PCDHA5: variants seen among roughly 807,000 people sequenced by gnomAD.
PCDHA5 encodes the protein protocadherin alpha-5.
In PCDHA5, 43 loss-of-function variants were observed where a neutral mutation model predicts 61.6. The ratio of observed to expected loss-of-function variants is 0.70; its 90% CI spans 0.55 to 0.90. The LOEUF is 0.90. PCDHA5 is among the 40% of genes least tolerant of loss of function. The pLI, the probability that PCDHA5 is intolerant of heterozygous loss-of-function variation, is 0.00. For synonymous variants in PCDHA5, 627 were observed against 543.9 expected, an observed-to-expected ratio of 1.15 and a Z score of -2.13; for missense variants, 1,298 against 1,222.7, an observed-to-expected ratio of 1.06 and a Z score of -0.92.
At chr5:140,855,106 T>C (rs1554147619) in intron 1 of PCDHA5, among the ~76,000 whole-genome samples, 1 of 149,974 alleles carries the variant, frequency 6.7e-6, no homozygotes, top group Non-Finnish European at 1.5e-5. Flanking sequence ...GTAGCAATAA[T>C]TAAGGCATTC....
chr5:140,881,180 T>G (rs1054668567), intron 1 of PCDHA5: 1 of 167,342 alleles, frequency 6.0e-6, no homozygotes, highest in East Asian at 1.9e-4. Flanking sequence ...TTTTCCTTGC[T>G]AAAGATATGT....
At chr5:140,864,401 G>T (rs570935613) in intron 1 of PCDHA5, 2 of 152,328 alleles carry the variant, frequency 1.3e-5, no homozygotes, top group South Asian at 4.1e-4. Context: ...ATGGTGATGA[G>T]CAGGGTTGAG....
rs2150468826 is a variant in PCDHA5, at chr5:140,850,123, C to G, written c.2352+25996C>G. ...GTGAGCGCGCGCGACGCGGGCGTGCCGCCTCTGGGCAGCAACGTGACGCTG... is the reference window on the plus strand; with the variant it reads ...GTGAGCGCGCGCGACGCGGGCGTGCGGCCTCTGGGCAGCAACGTGACGCTG... On this transcript the variant is annotated intron_variant, in intron 1 of 3. Coordinates refer to ENST00000529859, the MANE Select transcript of PCDHA5 (RefSeq NM_018908.3). The G allele has an allele frequency of 1.3e-5, 21 of 1,595,804 alleles. 4 individuals carry two copies. The highest frequency in any genetic ancestry group is 2.7e-5 in the African/African-American group (2 of 74,358).
intron 1 of PCDHA5, chr5:140,859,106 A>G (rs2045724264): frequency 6.7e-6 from 1 of 150,166 alleles, no homozygotes; most frequent in African/African-American, 2.4e-5. Context: ...CACTTAGCAG[A>G]AGAAAATGTA....
chr5:140,856,690 T>A (rs1368181199), intron 1 of PCDHA5: 2 of 1,597,086 alleles, frequency 1.3e-6, no homozygotes, highest in East Asian at 2.2e-5. Context: ...TGACAGCAAC[T>A]GATGGAGGCA....
intron 3 of PCDHA5, among the ~76,000 whole-genome samples, chr5:141,003,892 C>T (rs1401621234): frequency 6.6e-6 from 1 of 152,124 alleles, no homozygotes; most frequent in South Asian, 2.1e-4. Context: ...TCTTAACAGG[C>T]CCATTCATTT....
At chr5:140,968,378 G>A (rs782689152) in intron 1 of PCDHA5, 15 of 1,614,040 alleles carry the variant, frequency 9.3e-6, no homozygotes, top group Non-Finnish European at 1.3e-5. Context: ...CAACTCCTTT[G>A]ACTATGAGAA....
intron 1 of PCDHA5, chr5:140,856,597 C>CA: frequency 1.3e-6 from 2 of 1,597,412 alleles, no homozygotes; most frequent in Non-Finnish European, 1.7e-6. Context: ...ATATTATAAA[C>CA]AAAAAAGACA....
chr5:140,823,490 C>G lies in PCDHA5; in HGVS notation c.1715C>G (p.Thr572Ser), dbSNP rs2150126315. 6.2e-7 allele frequency: 1 copy of G among 1,613,236 alleles called. No homozygotes were observed. Among genetic ancestry groups the G allele is most frequent in the Non-Finnish European group, 8.5e-7 (1 of 1,179,682 alleles). Residue 572 changes from threonine (T) to serine (S), a missense_variant, in exon 1 of 4, where the codon ACC (threonine) becomes AGC (serine). Transcript: ENST00000529859. ...CTGCTGGTGCCTCGAGTGGGTGGCA[C>G]CGGCGGCGCAGTGAGCGAGCTGGTG... ...PALLVPRVGG[T>S]GGAVSELVPR...
intron 1 of PCDHA5, chr5:140,843,545 T>C: frequency 2.5e-6 from 4 of 1,595,904 alleles, no homozygotes; most frequent in Non-Finnish European, 3.4e-6. Context: ...TCTGGTGTGC[T>C]CCAGTGCGGT....
intron 1 of PCDHA5, among the ~76,000 whole-genome samples, chr5:140,964,595 T>G (rs1233382494): frequency 6.6e-6 from 1 of 152,116 alleles, no homozygotes; most frequent in East Asian, 1.9e-4. Context: ...TCACTTTTCA[T>G]GACAACTTAC....
chr5:140,839,667 G>A (rs1375568663), intron 1 of PCDHA5, among the ~76,000 whole-genome samples: 4 of 152,038 alleles, frequency 2.6e-5, no homozygotes, highest in African/African-American at 4.8e-5. Context: ...CTACTATTTA[G>A]AGTCAACTAC....
intron 1 of PCDHA5, among the ~76,000 whole-genome samples, chr5:140,950,405 T>G (rs1258791881): frequency 3.3e-5 from 5 of 152,042 alleles, no homozygotes; most frequent in African/African-American, 1.2e-4. Flanking sequence ...TCTGGGGGAT[T>G]GACAGATTTT....
chr5:140,872,164 TC>T (rs1346109895), intron 1 of PCDHA5, among the ~76,000 whole-genome samples: 1 of 151,498 alleles, frequency 6.6e-6, no homozygotes, highest in Non-Finnish European at 1.5e-5. Context: ...GATTTACTTT[TC>T]TTTTTTTTTT....
intron 1 of PCDHA5, chr5:140,927,599 C>T (rs1250728851): frequency 6.2e-7 from 1 of 1,614,070 alleles, no homozygotes; most frequent in African/African-American, 1.3e-5. Context: ...TTTGAGCGCT[C>T]CGTATACCGC....
intron 3 of PCDHA5, among the ~76,000 whole-genome samples, chr5:140,998,571 T>G (rs2097822082): frequency 1.0e-5 from 1 of 96,286 alleles, no homozygotes; most frequent in African/African-American, 3.7e-5. Flanking sequence ...GTAAATAAGT[T>G]TTTTTTTTTT....
intron 1 of PCDHA5, among the ~76,000 whole-genome samples, chr5:140,890,076 C>G (rs2062479072): frequency 6.6e-6 from 1 of 152,150 alleles, no homozygotes. Flanking sequence ...CTTATGAGAA[C>G]TGATAATGCA....
chr5:140,933,064 A>G (rs2088836698), intron 1 of PCDHA5, among the ~76,000 whole-genome samples: 1 of 152,030 alleles, frequency 6.6e-6, no homozygotes, highest in African/African-American at 2.4e-5. Context: ...GATCCTGACT[A>G]AAGTATTATG....
At chr5:140,966,356 C>G (rs1300973653) in intron 1 of PCDHA5, 2 of 400,342 alleles carry the variant, frequency 5.0e-6, no homozygotes, top group Non-Finnish European at 8.8e-6. Flanking sequence ...GGAGATGGGG[C>G]TGGAGAGGCT....
Sources: gnomAD v4.1 joint callset for allele counts (sites outside exome capture counted in the v4.1 genomes callset) on GRCh38, gnomAD v4.1.1 for gene constraint, MANE v1.5 for transcripts, NCBI Gene and HGNC (gene_info 2026-07-23, HGNC 2026-07-21) for gene names.